The following PKP1 variants were observed in gnomAD, a reference collection of about 807,000 sequenced individuals.
PKP1 encodes plakophilin-1.
Under a neutral mutation model 76.4 loss-of-function variants are expected in PKP1, and 27 were observed. The ratio of observed to expected loss-of-function variants is 0.35; its 90% confidence interval spans 0.26 to 0.49. The LOEUF (loss-of-function observed/expected upper bound fraction) is 0.49, where lower values mean the gene tolerates loss of function less well. Among genes scored for constraint, PKP1 ranks in the 20% least tolerant of loss-of-function variants. PKP1 has a pLI of 0.99. For synonymous variants in PKP1, 404 were observed against 384.2 expected (o/e 1.05, Z -0.60); for missense variants, 964 against 955.2 (o/e 1.01, Z -0.12).
chr1:201,283,669 G>C lies in PKP1; in HGVS notation c.-34G>C. 1 of 1,595,872 alleles carries C rather than the reference G, an allele frequency of 6.3e-7. No homozygotes were observed. Among genetic ancestry groups the C allele is most frequent in the South Asian group, 1.1e-5 (1 of 89,646 alleles). ...CTCGCCTCGCCTCTCTGCTCTCCTAGGCCCCGGCCGCGCGCCACCCGCCTC... is the reference window on the plus strand; with the variant it reads ...CTCGCCTCGCCTCTCTGCTCTCCTACGCCCCGGCCGCGCGCCACCCGCCTC... On this transcript the variant is annotated 5_prime_UTR_variant, in exon 1 of 14. Coordinates refer to ENST00000367324, the MANE Select transcript of PKP1 (RefSeq NM_001005337.3).
chr1:201,305,365 A>G (rs1036870083), intron 2 of PKP1, among the ~76,000 whole-genome samples: 2 of 152,100 alleles, frequency 1.3e-5, no homozygotes, highest in Non-Finnish European at 2.9e-5. Context: ...AAACAGTTAA[A>G]AATCAGCTGG....
At chr1:201,324,316 T>G in intron 9 of PKP1, 112 bp from the exon 10 acceptor site, 1 of 1,121,742 alleles carries the variant, frequency 8.9e-7, no homozygotes, top group Admixed American at 1.8e-5. Flanking sequence ...GCTTCCAATA[T>G]GAAAGAGAAA....
At chr1:201,314,474 AAAC>A (rs578129244) in intron 3 of PKP1, among the ~76,000 whole-genome samples, 100 of 152,184 alleles carry the variant, frequency 6.6e-4, no homozygotes, top group African/African-American at 2.1e-3. Context: ...ACAAACAAAC[AAAC>A]AACAACAACA....
chr1:201,291,833 G>C (rs1055860664), intron 1 of PKP1, among the ~76,000 whole-genome samples: 3 of 152,234 alleles, frequency 2.0e-5, no homozygotes, highest in African/African-American at 7.2e-5. Flanking sequence ...GCCACCTAGG[G>C]TCCTGACTAT....
At chr1:201,304,427 G>A (rs957222559) in intron 2 of PKP1, among the ~76,000 whole-genome samples, 1 of 152,176 alleles carries the variant, frequency 6.6e-6, no homozygotes, top group Non-Finnish European at 1.5e-5. Context: ...CATTCTCATG[G>A]TCCTGGCCAG....
At chr1:201,308,872 C>T (rs1342972539) in intron 2 of PKP1, among the ~76,000 whole-genome samples, 2 of 152,028 alleles carry the variant, frequency 1.3e-5, no homozygotes, top group Non-Finnish European at 2.9e-5. Flanking sequence ...GGGGGCTGGG[C>T]AGGGGCCAGT....
Position 201,283,871 on chromosome 1 carries a change from T to A in PKP1, c.169T>A (p.Ser57Thr). ...MTVKRQKSKSSQSSTLSHSNR... is the reference protein window; with the variant it reads ...MTVKRQKSKSTQSSTLSHSNR... The stretch of plus-strand genomic sequence containing the variant: ...CGTCAAGCGGCAGAAGTCCAAGTCT[T>A]CCCAGTCGTCCACCCTGAGCCACTC... Residue 57 changes from serine (S) to threonine (T), a missense_variant, in exon 1 of 14, where the codon TCC becomes ACC. Physicochemically the swap from Ser to Thr is moderately conservative, Grantham distance 58. Coordinates refer to ENST00000367324, the MANE Select transcript of PKP1 (RefSeq NM_001005337.3). The A allele has an allele frequency of 6.2e-7, 1 of 1,614,092 alleles. No individual in the cohort carries two copies. Among genetic ancestry groups the A allele is most frequent in the Non-Finnish European group, 8.5e-7 (1 of 1,179,974 alleles).
At chr1:201,308,379 C>T (rs768650055) in intron 2 of PKP1, among the ~76,000 whole-genome samples, 1 of 152,226 alleles carries the variant, frequency 6.6e-6, no homozygotes, top group South Asian at 2.1e-4. Flanking sequence ...TGAGCTCTTG[C>T]TGTGAGCTCA....
At position 201,328,775 on chromosome 1, in the gene PKP1, G is replaced by A. The variant is rs537966263; in HGVS notation, c.2120G>A (p.Arg707Lys). The A allele has an allele frequency of 3.1e-6, 5 of 1,614,168 alleles. No homozygotes were observed. Among genetic ancestry groups the A allele is most frequent in the Non-Finnish European group, 2.5e-6 (3 of 1,180,008 alleles). ...QGVLRQQGFD[R>K]NMLGTLAGAN... ...CTCCCTTTGCAGCAAGGTTTCGATA[G>A]GAACATGCTGGGAACCTTAGCTGGG... Residue 707 changes from arginine to lysine, a missense_variant, in exon 13 of 14, where the codon AGG (arginine) becomes AAG (lysine). Physicochemically the swap from Arg to Lys is conservative, Grantham distance 26. Coordinates refer to ENST00000367324, the MANE Select transcript of PKP1 (RefSeq NM_001005337.3).
intron 1 of PKP1, among the ~76,000 whole-genome samples, chr1:201,291,357 G>A (rs1380924721): frequency 6.6e-6 from 1 of 152,186 alleles, no homozygotes; most frequent in East Asian, 1.9e-4. Flanking sequence ...CTGGACATGG[G>A]GACTGGCTTT....
At chr1:201,316,943 A>G (rs1031435160) in intron 4 of PKP1, among the ~76,000 whole-genome samples, 1 of 152,204 alleles carries the variant, frequency 6.6e-6, no homozygotes, top group African/African-American at 2.4e-5. Flanking sequence ...AGAGACTTCA[A>G]TGCCAGCCAC....
chr1:201,319,909 C>T (rs1364165939), intron 6 of PKP1: 19 of 1,609,260 alleles, frequency 1.2e-5, no homozygotes, highest in African/African-American at 4.0e-5. Context: ...GCGGAGGGAC[C>T]GTTGCCACAT....
intron 2 of PKP1, among the ~76,000 whole-genome samples, chr1:201,301,741 T>C (rs1366665382): frequency 2.0e-5 from 3 of 152,138 alleles, no homozygotes; most frequent in Non-Finnish European, 4.4e-5. Flanking sequence ...CTTTTTTTTT[T>C]TTCTTTTGGC....
At chr1:201,309,325 G>A (rs1656464768) in intron 2 of PKP1, among the ~76,000 whole-genome samples, 1 of 151,942 alleles carries the variant, frequency 6.6e-6, no homozygotes, top group East Asian at 1.9e-4. Context: ...GCAAAGCGGG[G>A]ACTGGCTGGG....
At chr1:201,307,604 C>A (rs547287005) in intron 2 of PKP1, among the ~76,000 whole-genome samples, 2 of 152,260 alleles carry the variant, frequency 1.3e-5, no homozygotes, top group East Asian at 3.9e-4. Context: ...AAGCCACTTG[C>A]GAGGTGCCCC....
In PKP1 at chr1:201,283,548, G is replaced by T; in HGVS notation, c.-155G>T. 1 of 712,700 alleles carries T rather than the reference G, an allele frequency of 1.4e-6. No homozygotes were observed. The highest frequency in any genetic ancestry group is 2.1e-5 in the Admixed American group (1 of 48,766). The allele number at this position is 712,700 out of a possible 1,614,324, so 44.1% of individuals were successfully genotyped here. A position where few individuals can be genotyped will look rare whatever the true frequency, so the allele number is the denominator to read the frequency against. On this transcript the variant is annotated 5_prime_UTR_variant, in exon 1 of 14. Transcript: ENST00000367324. ...AACCAGGGTGGAAGCGCCAGGAGCAGCTGCAGGGAGCCCTCACGCGGACCA... is the reference window on the plus strand; with the variant it reads ...AACCAGGGTGGAAGCGCCAGGAGCATCTGCAGGGAGCCCTCACGCGGACCA...
intron 12 of PKP1, among the ~76,000 whole-genome samples, chr1:201,326,977 AC>A (rs1437549748): frequency 6.6e-6 from 1 of 152,176 alleles, no homozygotes; most frequent in Non-Finnish European, 1.5e-5. Flanking sequence ...TACCTAGAGG[AC>A]CAGGGGATGG....
chr1:201,324,499 A>T lies in PKP1; in HGVS notation c.1752A>T (p.Gln584His). Residue 584 changes from glutamine to histidine, a missense_variant, in exon 10 of 14, where the codon CAA becomes CAT. By Grantham distance (24) the Gln-to-His change is conservative (BLOSUM62 0). Transcript: ENST00000367324. The part of the protein sequence containing the change: ...KGLPQIARLL[Q>H]SGNSDVVRSG... ...TGCCACAAATTGCCCGCCTCCTGCA[A>T]TCTGGCAACTCTGATGTGGTGCGGT... 6.2e-7 allele frequency: 1 copy of T among 1,614,130 alleles called. No individual in the cohort carries two copies. Among genetic ancestry groups the T allele is most frequent in the Non-Finnish European group, 8.5e-7 (1 of 1,180,018 alleles).
intron 1 of PKP1, among the ~76,000 whole-genome samples, chr1:201,290,296 G>C (rs540994315): frequency 2.8e-4 from 43 of 152,250 alleles, no homozygotes; most frequent in African/African-American, 1.0e-3. Context: ...CCTTGACCTT[G>C]GGGTTCTGTG....
Sources: allele counts gnomAD v4.1 joint callset (sites outside exome capture counted in the v4.1 genomes callset), GRCh38; gene constraint gnomAD v4.1.1; transcripts MANE v1.5; gene names NCBI Gene and HGNC (gene_info 2026-07-23, HGNC 2026-07-21).